CABLES1: variants seen among roughly 807,000 people sequenced by gnomAD.
CABLES1 encodes the protein Cdk5 and Abl enzyme substrate 1, also known as CDK5 and ABL1 enzyme substrate 1.
In CABLES1, 36 loss-of-function variants were observed where a neutral mutation model predicts 57.8. The observed-to-expected ratio is 0.62, with a 90% confidence interval of 0.48 to 0.82. CABLES1 has a LOEUF of 0.82. CABLES1 is among the 40% of genes least tolerant of loss of function. The pLI, the probability that CABLES1 is intolerant of heterozygous loss-of-function variation, is 0.00. For missense variants in CABLES1, 767 were observed against 836.6 expected, an observed-to-expected ratio of 0.92 and a Z score of 1.03; for synonymous variants, 374 against 363.0, an observed-to-expected ratio of 1.03 and a Z score of -0.35.
At chr18:23,206,446 A>C (rs571308035) in intron 3 of CABLES1, among the ~76,000 whole-genome samples, 1 of 152,336 alleles carries the variant, frequency 6.6e-6, no homozygotes, top group African/African-American at 2.4e-5. Flanking sequence ...CACAGCTTAG[A>C]TGTTGTGCTG....
At chr18:23,163,830 C>G (rs1321338225) in intron 1 of CABLES1, among the ~76,000 whole-genome samples, 1 of 152,244 alleles carries the variant, frequency 6.6e-6, no homozygotes. Flanking sequence ...GAGCGTGGCT[C>G]TCCCAAATAG....
At position 23,236,025 on chromosome 18, in the gene CABLES1, G is replaced by GCGGCTC. The variant is rs1273449120; in HGVS notation, c.1320_1321insTCCGGC (p.Ser439_Gly440dup). ...CGCAGCCTCTCCATAGGCCGGGCAA[G>GCGGCTC]CGGCACCCAGGGGAGCCTCGACACA... On this transcript the variant is annotated inframe_insertion, in exon 6 of 10. Transcript: ENST00000256925. 1.2e-6 allele frequency: 2 copies of GCGGCTC among 1,614,202 alleles called. No individual in the cohort carries two copies. The highest frequency in any genetic ancestry group is 8.5e-7 in the Non-Finnish European group (1 of 1,180,046).
chr18:23,140,729 C>T (rs1294382525), intron 1 of CABLES1, among the ~76,000 whole-genome samples: 15 of 152,212 alleles, frequency 9.9e-5, no homozygotes, highest in African/African-American at 3.1e-4. Flanking sequence ...TGAGCCACCG[C>T]GCCCCACCCA....
chr18:23,205,181 CTTTTTTTTTTT>C (rs34690271), intron 3 of CABLES1, among the ~76,000 whole-genome samples: 17 of 81,186 alleles, frequency 2.1e-4, no homozygotes, highest in African/African-American at 6.6e-4. Context: ...TCATTCCTGA[CTTTTTTTTTTT>C]TTTTTTTTTT....
At chr18:23,213,038 G>T (rs2047415990) in intron 3 of CABLES1, among the ~76,000 whole-genome samples, 2 of 152,172 alleles carry the variant, frequency 1.3e-5, no homozygotes, top group Admixed American at 1.3e-4. Context: ...CAGAAAGCAG[G>T]AGACACAGGG....
At chr18:23,163,799 ACCTT>A (rs2144979279) in intron 1 of CABLES1, among the ~76,000 whole-genome samples, 2 of 152,192 alleles carry the variant, frequency 1.3e-5, no homozygotes, top group African/African-American at 4.8e-5. Context: ...TGAGGCTGGA[ACCTT>A]CCTTCCCCGC....
chr18:23,166,277 C>T (rs2047042024), intron 1 of CABLES1, among the ~76,000 whole-genome samples: 1 of 151,612 alleles, frequency 6.6e-6, no homozygotes, highest in African/African-American at 2.4e-5. Flanking sequence ...TCTTGGCTTA[C>T]TGCAACCTCC....
intron 1 of CABLES1, among the ~76,000 whole-genome samples, chr18:23,137,609 C>T (rs2046831621): frequency 6.6e-6 from 1 of 152,228 alleles, no homozygotes. Context: ...ATGACTTTCT[C>T]TGCTAGAATT....
At chr18:23,183,343 C>T (rs772971329) in intron 1 of CABLES1, among the ~76,000 whole-genome samples, 25 of 152,160 alleles carry the variant, frequency 1.6e-4, no homozygotes, top group Admixed American at 5.2e-4. Flanking sequence ...CCCTGCGTCC[C>T]GGGAGTATAC....
intron 7 of CABLES1, among the ~76,000 whole-genome samples, chr18:23,249,863 A>C (rs562995752): frequency 2.0e-5 from 3 of 152,282 alleles, no homozygotes; most frequent in Admixed American, 6.5e-5. Flanking sequence ...GAAGGAGAGA[A>C]AAGCAGGAAG....
intron 4 of CABLES1, among the ~76,000 whole-genome samples, chr18:23,226,649 C>T (rs1401786527): frequency 1.3e-5 from 2 of 152,158 alleles, no homozygotes; most frequent in Non-Finnish European, 2.9e-5. Context: ...AGCCCAGGAG[C>T]TTCTAGAGCA....
rs2047605809 is a variant in CABLES1, at chr18:23,235,983, TC to T, written c.1276del (p.Arg426ValfsTer3). ...TIDSTSSFSQ[F>X]RNLSHRSLSI... is the part of the protein sequence containing the mutation. ...GACTCCACCTCCTCTTTCTCCCAGT[TC>T]CGTAACCTGAGCCACCGCAGCCTCT... is the stretch of plus-strand genomic sequence containing the variant. On this transcript the variant is annotated frameshift_variant, in exon 6 of 10. Coordinates refer to ENST00000256925, the MANE Select transcript of CABLES1 (RefSeq NM_001100619.3). LOFTEE classifies it high-confidence loss of function. The T allele has an allele frequency of 6.2e-7, 1 of 1,614,040 alleles. No homozygotes were observed. Among genetic ancestry groups the T allele is most frequent in the Non-Finnish European group, 8.5e-7 (1 of 1,180,028 alleles).
intron 3 of CABLES1, among the ~76,000 whole-genome samples, chr18:23,206,633 A>C (rs952272462): frequency 1.3e-5 from 2 of 152,236 alleles, no homozygotes. Flanking sequence ...CCAAGAATCT[A>C]AGTGCAAAAT....
intron 1 of CABLES1, among the ~76,000 whole-genome samples, chr18:23,148,051 G>A (rs1244896167): frequency 7.0e-6 from 1 of 142,624 alleles, no homozygotes; most frequent in Non-Finnish European, 1.5e-5. Context: ...GTGCAGCGGC[G>A]TGATCTCGGC....
At chr18:23,215,298 G>A (rs1894034000) in intron 4 of CABLES1, among the ~76,000 whole-genome samples, 1 of 152,164 alleles carries the variant, frequency 6.6e-6, no homozygotes, top group Non-Finnish European at 1.5e-5. Context: ...GTGGCCCCGG[G>A]TCTGGCTACA....
At chr18:23,200,165 G>A (rs113771896) in intron 3 of CABLES1, among the ~76,000 whole-genome samples, 314 of 152,246 alleles carry the variant, frequency 2.1e-3, no homozygotes, top group Non-Finnish European at 4.1e-3. Flanking sequence ...AAATACAGAT[G>A]ATCTTTAAAG....
At chr18:23,177,242 G>A (rs189311565) in intron 1 of CABLES1, among the ~76,000 whole-genome samples, 98 of 152,182 alleles carry the variant, frequency 6.4e-4, no homozygotes, top group African/African-American at 2.3e-3. Context: ...TGTCAGGCTC[G>A]GGGCCCCGTC....
In CABLES1 at chr18:23,260,359, T is replaced by C. The variant is rs1020685392; in HGVS notation, c.*2992T>C. 6.6e-6 allele frequency: 1 copy of C among 152,310 alleles called. No individual in the cohort carries two copies. The highest frequency in any genetic ancestry group is 6.5e-5 in the Admixed American group (1 of 15,286). 9.4% of individuals were successfully genotyped at this position (152,310 alleles called of 1,614,324 possible). On this transcript the variant is annotated 3_prime_UTR_variant, in exon 10 of 10. Transcript: ENST00000256925. ...GGCGGCCGCTTCACACAAGCCACTCTGTACCACGTGCCCTACCTTAGTGAC... is the reference window on the plus strand; with the variant it reads ...GGCGGCCGCTTCACACAAGCCACTCCGTACCACGTGCCCTACCTTAGTGAC...
At chr18:23,177,834 G>A (rs1317954509) in intron 1 of CABLES1, among the ~76,000 whole-genome samples, 2 of 152,122 alleles carry the variant, frequency 1.3e-5, no homozygotes, top group African/African-American at 2.4e-5. Flanking sequence ...TGGCCTCCAG[G>A]TGTGGACACA....
Sources: allele counts gnomAD v4.1 joint callset (sites outside exome capture counted in the v4.1 genomes callset), GRCh38; gene constraint gnomAD v4.1.1; transcripts MANE v1.5; gene names NCBI Gene and HGNC (gene_info 2026-07-23, HGNC 2026-07-21).